Variants in GNA14 observed in about 807,000 individuals in gnomAD.
GNA14 encodes guanine nucleotide-binding protein subunit alpha-14.
GNA14 carries 50 observed loss-of-function variants against 42.0 expected under a neutral mutation model. The ratio of observed to expected loss-of-function variants is 1.19; its 90% CI spans 0.95 to 1.51. GNA14 has a LOEUF of 1.51. Among genes scored for constraint, GNA14 ranks in the 40% most tolerant of loss-of-function variants. GNA14 has a pLI of 0.00. For synonymous variants in GNA14, 173 were observed against 163.1 expected (o/e 1.06, Z -0.46); for missense variants, 473 against 446.2 (o/e 1.06, Z -0.54).
intron 2 of GNA14, among the ~76,000 whole-genome samples, chr9:77,527,836 T>C (rs550584554): frequency 6.6e-6 from 1 of 152,298 alleles, no homozygotes; most frequent in African/African-American, 2.4e-5. Flanking sequence ...GGTTTCACTA[T>C]GTTGGCCAGG....
At chr9:77,464,002 G>GTTGTTT (rs1836165525) in intron 2 of GNA14, among the ~76,000 whole-genome samples, 1 of 152,104 alleles carries the variant, frequency 6.6e-6, no homozygotes, top group Admixed American at 6.5e-5. Context: ...GTTTGTTGTT[G>GTTGTTT]TTGTTTTTGT....
chr9:77,555,690 G>T (rs1179040763), intron 1 of GNA14, among the ~76,000 whole-genome samples: 1 of 152,134 alleles, frequency 6.6e-6, no homozygotes, highest in Non-Finnish European at 1.5e-5. Context: ...AAGTGGCATG[G>T]CCTCATTTCC....
Position 77,535,267 on chromosome 9 carries a change from G to A in GNA14, c.125-6014C>T, listed in dbSNP as rs144237717. ...AAATACTGATTTATGGGCTGGGTGC[G>A]GTGGCTCACGCCTGTAATCCCAGCA... On this transcript the variant is annotated intron_variant, in intron 1 of 6. Coordinates refer to ENST00000341700, the MANE Select transcript of GNA14 (RefSeq NM_004297.4). 5.0e-3 allele frequency among the ~76,000 whole-genome samples: 764 copies of A among 152,306 alleles called. 9 individuals are homozygous for A. The highest frequency in any genetic ancestry group is 0.017 in the African/African-American group (722 of 41,560).
chr9:77,472,827 C>CCA (rs988471028), intron 2 of GNA14, among the ~76,000 whole-genome samples: 5 of 145,890 alleles, frequency 3.4e-5, no homozygotes, highest in Non-Finnish European at 7.6e-5. Flanking sequence ...TCCTCCAAGC[C>CCA]CACACACAAA....
intron 1 of GNA14, among the ~76,000 whole-genome samples, chr9:77,585,542 C>G (rs2117871287): frequency 6.6e-6 from 1 of 152,300 alleles, no homozygotes; most frequent in Admixed American, 6.5e-5. Flanking sequence ...CCCCCAACAC[C>G]CTTGTGACCA....
In GNA14 at chr9:77,494,989, AG is replaced by A. The variant is rs368816786; in HGVS notation, c.309+34079del. The stretch of plus-strand genomic sequence containing the variant: ...TAATTTTTGTATTTTTAGTGAAGAC[AG>A]GGTTTTGCCATGTTGGCCAGACTGG... On this transcript the variant is annotated intron_variant, in intron 2 of 6. Transcript: ENST00000341700. Among the ~76,000 whole-genome samples, 55 of 152,212 alleles carry A rather than the reference AG, an allele frequency of 3.6e-4. No homozygotes were observed. The East Asian group carries it at 0.01, about 28-fold the overall frequency.
At chr9:77,464,834 G>T (rs949638171) in intron 2 of GNA14, among the ~76,000 whole-genome samples, 7 of 152,200 alleles carry the variant, frequency 4.6e-5, no homozygotes, top group Admixed American at 4.6e-4. Flanking sequence ...GGTCACTTGG[G>T]TAGGCCTTAT....
At chr9:77,572,146 A>T (rs1823069675) in intron 1 of GNA14, among the ~76,000 whole-genome samples, 1 of 152,220 alleles carries the variant, frequency 6.6e-6, no homozygotes, top group African/African-American at 2.4e-5. Context: ...CTTGCAAATT[A>T]CAAGTTTGTC....
At position 77,448,639 on chromosome 9, in the gene GNA14, A is replaced by G. The variant is rs1383516864; in HGVS notation, c.310-14117T>C. ...TAGTCTGATAATTCGAATTAAATGC[A>G]TACAAGTAGCGTACTGCTGCAGCCG... is the stretch of plus-strand genomic sequence containing the variant. On this transcript the variant is annotated intron_variant, in intron 2 of 6. Transcript: ENST00000341700. 2.0e-5 allele frequency among the ~76,000 whole-genome samples: 3 copies of G among 152,216 alleles called. No homozygotes were observed. In the East Asian group the frequency reaches 5.8e-4, roughly 29 times the overall value.
chr9:77,511,109 G>C (rs1484083499), intron 2 of GNA14, among the ~76,000 whole-genome samples: 3 of 151,530 alleles, frequency 2.0e-5, no homozygotes, highest in South Asian at 2.1e-4. Flanking sequence ...TAGAGGTTAA[G>C]AGAACCTTCC....
chr9:77,503,087 C>G (rs1028763042), intron 2 of GNA14, among the ~76,000 whole-genome samples: 1 of 152,134 alleles, frequency 6.6e-6, no homozygotes, highest in Non-Finnish European at 1.5e-5. Context: ...TTCTTTCCAC[C>G]CTTCAGAGTC....
intron 2 of GNA14, among the ~76,000 whole-genome samples, chr9:77,525,540 C>CTTT (rs780509461): frequency 2.2e-5 from 3 of 137,118 alleles, no homozygotes; most frequent in Non-Finnish European, 3.2e-5. Context: ...ATGGTTTGTT[C>CTTT]TTTTTTTTTT....
intron 1 of GNA14, among the ~76,000 whole-genome samples, chr9:77,543,337 A>G (rs777070560): frequency 6.6e-6 from 1 of 152,190 alleles, no homozygotes; most frequent in Non-Finnish European, 1.5e-5. Context: ...CAACAGCTGC[A>G]GCTGCAGTGG....
chr9:77,535,396 T>TA (rs1162009028), intron 1 of GNA14, among the ~76,000 whole-genome samples: 1 of 151,958 alleles, frequency 6.6e-6, no homozygotes. Flanking sequence ...TACAAAAAAT[T>TA]AGCCGGGTGT....
In GNA14 at chr9:77,556,342, G is replaced by C. The variant is rs142551128; in HGVS notation, c.125-27089C>G. Among the ~76,000 whole-genome samples, 12 of 152,234 alleles carry C rather than the reference G, an allele frequency of 7.9e-5. No homozygotes were observed. The East Asian group carries it at 2.3e-3, about 29-fold the overall frequency. On this transcript the variant is annotated intron_variant, in intron 1 of 6. Transcript: ENST00000341700. Reference sequence around the variant, plus strand: ...AAACACATCATGGCAGATATATGGAGGTAGATGCTAATGGGGTGGGGGCAG... The same window carrying C: ...AAACACATCATGGCAGATATATGGACGTAGATGCTAATGGGGTGGGGGCAG...
chr9:77,449,937 C>T (rs573410738), intron 2 of GNA14, among the ~76,000 whole-genome samples: 5 of 152,280 alleles, frequency 3.3e-5, no homozygotes, highest in African/African-American at 1.2e-4. Flanking sequence ...AGACCCCTAC[C>T]GCCTCCCTGC....
intron 1 of GNA14, among the ~76,000 whole-genome samples, chr9:77,631,137 A>AT (rs1194956712): frequency 6.6e-6 from 1 of 152,240 alleles, no homozygotes; most frequent in Non-Finnish European, 1.5e-5. Flanking sequence ...TCTCAGAGTC[A>AT]TAGACCCTTC....
At chr9:77,494,142 C>T (rs1279711761) in intron 2 of GNA14, among the ~76,000 whole-genome samples, 5 of 152,064 alleles carry the variant, frequency 3.3e-5, no homozygotes, top group African/African-American at 9.7e-5. Flanking sequence ...ATGCTGGTCT[C>T]GAACTCCTAA....
At chr9:77,559,746 C>T (rs551326560) in intron 1 of GNA14, among the ~76,000 whole-genome samples, 30 of 152,322 alleles carry the variant, frequency 2.0e-4, no homozygotes, top group Admixed American at 1.6e-3. Context: ...GATATATGTG[C>T]ATTCCCCTTT....
Sources: gnomAD v4.1 joint callset for allele counts (sites outside exome capture counted in the v4.1 genomes callset) on GRCh38, gnomAD v4.1.1 for gene constraint, MANE v1.5 for transcripts, NCBI Gene and HGNC (gene_info 2026-07-23, HGNC 2026-07-21) for gene names.